Variants in NFKBIZ observed in about 807,000 individuals in gnomAD.
The protein encoded by NFKBIZ is NFKB inhibitor zeta, also known as NF-kappa-B inhibitor zeta.
NFKBIZ carries 19 observed loss-of-function variants against 76.8 expected under a neutral mutation model. The ratio of observed to expected loss-of-function variants is 0.25; its 90% confidence interval spans 0.17 to 0.36. The LOEUF is 0.36. NFKBIZ is among the 10% of genes least tolerant of loss of function. The pLI, the probability that NFKBIZ is intolerant of heterozygous loss-of-function variation, is 1.00. For missense variants in NFKBIZ, 829 were observed against 910.9 expected, an observed-to-expected ratio of 0.91 and a Z score of 1.16; for synonymous variants, 368 against 354.8, an observed-to-expected ratio of 1.04 and a Z score of -0.42.
intron 2 of NFKBIZ, among the ~76,000 whole-genome samples, chr3:101,831,107 CTGAT>C (rs1240560843): frequency 2.0e-5 from 3 of 152,206 alleles, no homozygotes; most frequent in Non-Finnish European, 2.9e-5. Context: ...CCCCATTCCT[CTGAT>C]TGTTTCAGTC....
intron 2 of NFKBIZ, among the ~76,000 whole-genome samples, 170 bp from the exon 3 acceptor site, chr3:101,852,568 G>A (rs1338467173): frequency 6.6e-6 from 1 of 152,190 alleles, no homozygotes; most frequent in Non-Finnish European, 1.5e-5. Flanking sequence ...TGAAAATGAG[G>A]AAGTCGCAAG....
At chr3:101,840,831 G>A (rs1397964018) in intron 2 of NFKBIZ, among the ~76,000 whole-genome samples, 3 of 152,174 alleles carry the variant, frequency 2.0e-5, no homozygotes, top group African/African-American at 4.8e-5. Flanking sequence ...CATAGTGGAC[G>A]ACTCACTCAC....
At chr3:101,854,376 A>G (rs770466959) in intron 5 of NFKBIZ, among the ~76,000 whole-genome samples, 20 of 151,960 alleles carry the variant, frequency 1.3e-4, no homozygotes, top group Non-Finnish European at 2.8e-4. Context: ...TCTTTTTCTT[A>G]TTTCTGATAG....
chr3:101,859,232 A>C, intron 11 of NFKBIZ, 86 bp from the exon 12 acceptor site: 1 of 982,780 alleles, frequency 1.0e-6, no homozygotes, highest in Non-Finnish European at 1.6e-6. Context: ...TGTAGATGGT[A>C]TAAGAAAGGA....
Position 101,859,195 on chromosome 3 carries a change from C to T in NFKBIZ, c.2104-123C>T, listed in dbSNP as rs141318541. On this transcript the variant is annotated intron_variant, in intron 11 of 11. Coordinates refer to ENST00000326172, the MANE Select transcript of NFKBIZ (RefSeq NM_031419.4). ...TTGAGAAATATTGTGTGTATTTCTT[C>T]GTATACTTACAAGTTAATAGGAGTA... is the stretch of plus-strand genomic sequence containing the variant. 2.0e-5 allele frequency: 13 copies of T among 649,498 alleles called. No individual in the cohort carries two copies. The East Asian group carries it at 2.2e-4, about 11-fold the overall frequency. 40.2% of individuals were successfully genotyped at this position (649,498 alleles called of 1,614,324 possible). A position where few individuals can be genotyped will look rare whatever the true frequency, so the allele number is the denominator to read the frequency against.
chr3:101,849,403 G>A (rs1942908268), upstream of NFKBIZ: 3 of 364,818 alleles, frequency 8.2e-6, no homozygotes, highest in Non-Finnish European at 1.5e-5. Context: ...GGACGCATCC[G>A]GAGGAGGGGC....
At chr3:101,854,182 A>C (rs925757424) in intron 5 of NFKBIZ, among the ~76,000 whole-genome samples, 3 of 152,196 alleles carry the variant, frequency 2.0e-5, no homozygotes, top group Non-Finnish European at 4.4e-5. Context: ...ATTAGGGATA[A>C]ACTGTGAGTT....
chr3:101,860,314 A>G lies in NFKBIZ; in HGVS notation c.*943A>G, dbSNP rs680508. 0.66 allele frequency: 99,935 copies of G among 151,642 alleles called. 33,300 individuals carry two copies. Among genetic ancestry groups the G allele is most frequent in the Admixed American group, 0.72 (10,914 of 15,254 alleles). 9.4% of individuals were successfully genotyped at this position (151,642 alleles called of 1,614,324 possible). A position where few individuals can be genotyped will look rare whatever the true frequency, so the allele number is the denominator to read the frequency against. On this transcript the variant is annotated 3_prime_UTR_variant, in exon 12 of 12. Coordinates refer to ENST00000326172, the MANE Select transcript of NFKBIZ (RefSeq NM_031419.4). The stretch of plus-strand genomic sequence containing the variant: ...CTACCTGAGCCTTCTGAGTAACTGG[A>G]ACTACAGGTGTGCACTCCTCGCCTG...
intron 1 of NFKBIZ, among the ~76,000 whole-genome samples, chr3:101,829,337 G>T (rs1034645380): frequency 6.6e-6 from 1 of 152,198 alleles, no homozygotes; most frequent in African/African-American, 2.4e-5. Flanking sequence ...GGTGATGACC[G>T]AGGTCAGCAT....
chr3:101,852,366 A>G (rs1942977641), intron 2 of NFKBIZ, 142 bp downstream of exon 2: 2 of 1,070,354 alleles, frequency 1.9e-6, no homozygotes, highest in Non-Finnish European at 1.4e-6. Context: ...GACAGAGACC[A>G]TATTTGTCTG....
chr3:101,858,166 G>A (rs1227619550), intron 11 of NFKBIZ: 2 of 985,118 alleles, frequency 2.0e-6, no homozygotes, highest in Non-Finnish European at 2.4e-6. Flanking sequence ...CTGTGGGTAG[G>A]TCATTACATA....
upstream of NFKBIZ, among the ~76,000 whole-genome samples, chr3:101,845,465 T>A (rs1175214725): frequency 2.0e-5 from 3 of 151,948 alleles, no homozygotes; most frequent in Non-Finnish European, 2.9e-5. Flanking sequence ...AGCTAATTTT[T>A]AAATTTTTTA....
intron 1 of NFKBIZ, chr3:101,850,173 C>T: frequency 2.6e-6 from 1 of 388,598 alleles, no homozygotes; most frequent in Non-Finnish European, 4.6e-6. Context: ...CGAGCTCTGA[C>T]TGCCGGGCGA....
At chr3:101,828,658 A>G (rs571677808) in intron 1 of NFKBIZ, among the ~76,000 whole-genome samples, 2 of 152,352 alleles carry the variant, frequency 1.3e-5, no homozygotes, top group African/African-American at 2.4e-5. Context: ...GCCCTCATTC[A>G]TTCTTACAGC....
intron 5 of NFKBIZ, 114 bp downstream of exon 5, chr3:101,853,977 C>G: frequency 9.9e-7 from 1 of 1,008,942 alleles, no homozygotes; most frequent in Non-Finnish European, 1.5e-6. Context: ...GGTTGGCTAA[C>G]CAAGATGACT....
rs771992068 is a variant in NFKBIZ at position 101,853,272 on chromosome 3, C to T, written c.746C>T (p.Ser249Phe). The T allele has an allele frequency of 3.1e-6, 5 of 1,614,008 alleles. No homozygotes were observed. The highest frequency in any genetic ancestry group is 4.2e-6 in the Non-Finnish European group (5 of 1,180,030). ...AACCCCGTGGTGGTCCCTCAGAGCT[C>T]CCCCGCAGAGCAGTGTCAGGACTTC... ...WLNPVVVPQS[S>F]PAEQCQDFHG... Residue 249 changes from serine (S) to phenylalanine (F), a missense_variant, in exon 5 of 12, where the codon TCC becomes TTC. This residue lies in a region of NFKBIZ where 371 missense variants were observed against 332.3 expected (regional missense o/e 1.12). Transcript: ENST00000326172.
intron 1 of NFKBIZ, chr3:101,850,447 A>G (rs544417315): frequency 6.6e-6 from 1 of 152,408 alleles, no homozygotes; most frequent in South Asian, 2.1e-4. Flanking sequence ...GCTGAAAACC[A>G]ACTCAAGTTA....
At chr3:101,843,566 T>A (rs1307883641) in intron 2 of NFKBIZ, among the ~76,000 whole-genome samples, 1 of 152,278 alleles carries the variant, frequency 6.6e-6, no homozygotes, top group Non-Finnish European at 1.5e-5. Context: ...GTAATTTGGA[T>A]ATTCTAATTT....
chr3:101,853,466 C>A lies in NFKBIZ; in HGVS notation c.940C>A (p.Pro314Thr), dbSNP rs199980845. 6.2e-7 allele frequency: 1 copy of A among 1,614,236 alleles called. No homozygotes were observed. The highest frequency in any genetic ancestry group is 1.1e-5 in the South Asian group (1 of 91,084). The change falls in exon 5 of 12, where the codon CCC (proline) becomes ACC (threonine). Residue 314 changes from proline to threonine, a missense_variant. Physicochemically the swap from Pro to Thr is conservative, Grantham distance 38. Transcript: ENST00000326172. ...ACCAACTCTGGAATACAGTCCTTTTCCCATACCTCCCCAGTCCCCCGCTTA... is the reference window on the plus strand; with the variant it reads ...ACCAACTCTGGAATACAGTCCTTTTACCATACCTCCCCAGTCCCCCGCTTA... ...HKPTLEYSPF[P>T]IPPQSPAYEP...
Sources: gnomAD v4.1 joint callset for allele counts (sites outside exome capture counted in the v4.1 genomes callset) on GRCh38, gnomAD v4.1.1 for gene constraint, gnomAD v4.1.1 regional missense constraint, MANE v1.5 for transcripts, NCBI Gene and HGNC (gene_info 2026-07-23, HGNC 2026-07-21) for gene names.